PLCB4: variants seen among roughly 807,000 people sequenced by gnomAD.
PLCB4 encodes 1-phosphatidylinositol 4,5-bisphosphate phosphodiesterase beta-4.
A neutral mutation model predicts 178.8 loss-of-function variants in PLCB4; 77 were observed. The ratio of observed to expected loss-of-function variants is 0.43; its 90% CI spans 0.36 to 0.52. The LOEUF (loss-of-function observed/expected upper bound fraction) is 0.52, where lower values mean the gene tolerates loss of function less well. Ranked by LOEUF, PLCB4 falls within the 20% of genes least tolerant of loss-of-function variation. The pLI is 0.00. For synonymous variants in PLCB4, 496 were observed against 490.8 expected, an observed-to-expected ratio of 1.01 and a Z score of -0.14; for missense variants, 1,024 against 1,453.4, an observed-to-expected ratio of 0.70 and a Z score of 4.80.
At chr20:9,325,506 C>A (rs1162786596) in intron 4 of PLCB4, among the ~76,000 whole-genome samples, 1 of 152,080 alleles carries the variant, frequency 6.6e-6, no homozygotes, top group Non-Finnish European at 1.5e-5. Flanking sequence ...GTCAGGGAAC[C>A]CTCCCAGAAT....
chr20:9,430,682 C>A (rs1002160497), intron 28 of PLCB4, among the ~76,000 whole-genome samples: 1 of 152,188 alleles, frequency 6.6e-6, no homozygotes, highest in Non-Finnish European at 1.5e-5. Flanking sequence ...AATCCGATAG[C>A]AGATGGCTGA....
At chr20:9,375,481 T>C (rs1329495593) in intron 12 of PLCB4, among the ~76,000 whole-genome samples, 2 of 152,192 alleles carry the variant, frequency 1.3e-5, no homozygotes, top group Admixed American at 6.5e-5. Context: ...TTCAATGGCT[T>C]CAAATTTATA....
At chr20:9,453,943 C>T (rs1427597987) in intron 33 of PLCB4, among the ~76,000 whole-genome samples, 1 of 152,138 alleles carries the variant, frequency 6.6e-6, no homozygotes, top group Non-Finnish European at 1.5e-5. Flanking sequence ...GGTGCAATAC[C>T]ATTAACCAAG....
chr20:9,110,791 T>C (rs2091547536), intron 2 of PLCB4, among the ~76,000 whole-genome samples: 2 of 152,206 alleles, frequency 1.3e-5, no homozygotes, highest in Admixed American at 1.3e-4. Flanking sequence ...ATGAACAGTG[T>C]AGCCCTTTAG....
intron 3 of PLCB4, among the ~76,000 whole-genome samples, chr20:9,236,863 C>G (rs1175958241): frequency 6.6e-6 from 1 of 152,202 alleles, no homozygotes; most frequent in African/African-American, 2.4e-5. Context: ...AAGATCATTT[C>G]TTTCATGGGA....
At chr20:9,410,964 G>A in intron 24 of PLCB4, 73 bp from the exon 25 acceptor site, 1 of 1,058,516 alleles carries the variant, frequency 9.4e-7, no homozygotes, top group Non-Finnish European at 1.5e-6. Context: ...GATACCTATT[G>A]TTTCAAATCA....
intron 4 of PLCB4, among the ~76,000 whole-genome samples, chr20:9,326,613 C>T (rs904247887): frequency 2.6e-5 from 4 of 152,240 alleles, no homozygotes; most frequent in Middle Eastern, 3.4e-3. Flanking sequence ...AGGGCAGAGT[C>T]TCCCCAACCA....
intron 34 of PLCB4, among the ~76,000 whole-genome samples, chr20:9,458,258 CT>C (rs760478004): frequency 1.3e-4 from 20 of 152,148 alleles, no homozygotes; most frequent in Non-Finnish European, 2.8e-4. Context: ...TTCTTGGTAG[CT>C]GTATGTTTTG....
At chr20:9,275,145 T>C (rs972722739) in intron 3 of PLCB4, among the ~76,000 whole-genome samples, 4 of 152,038 alleles carry the variant, frequency 2.6e-5, no homozygotes, top group Non-Finnish European at 5.9e-5. Context: ...GAGGTTTAAT[T>C]TGACTTACAG....
At chr20:9,388,505 C>G (rs888853648) in intron 15 of PLCB4, among the ~76,000 whole-genome samples, 5 of 152,040 alleles carry the variant, frequency 3.3e-5, no homozygotes, top group Admixed American at 6.6e-5. Flanking sequence ...GATCACTTGA[C>G]GTCAGGAGTT....
At chr20:9,178,960 T>A (rs570878210) in intron 2 of PLCB4, among the ~76,000 whole-genome samples, 1 of 152,370 alleles carries the variant, frequency 6.6e-6, no homozygotes, top group South Asian at 2.1e-4. Flanking sequence ...ATCTAACAGC[T>A]ATTATGTTTA....
chr20:9,087,690 A>G (rs1181547922), intron 1 of PLCB4, among the ~76,000 whole-genome samples: 1 of 152,078 alleles, frequency 6.6e-6, no homozygotes. Context: ...GACACGGGGG[A>G]CATAAAAGGG....
rs58424232 is a variant in PLCB4, at chr20:9,209,963, C to CAA, written c.-78-7405_-78-7404dup. Among the ~76,000 whole-genome samples, 251 of 46,704 alleles carry CAA rather than the reference C, an allele frequency of 5.4e-3. 1 individual carries two copies. The highest frequency in any genetic ancestry group is 7.0e-3 in the Admixed American group (30 of 4,282). 30.6% of individuals were successfully genotyped at this position (46,704 alleles called of 152,430 possible). A position where few individuals can be genotyped will look rare whatever the true frequency, so the allele number is the denominator to read the frequency against. On this transcript the variant is annotated intron_variant, in intron 2 of 39. Coordinates refer to ENST00000378473, the MANE Select transcript of PLCB4 (RefSeq NM_001377142.1). The stretch of plus-strand genomic sequence containing the variant: ...TGGGTGACAGAGCAAGACTCTGTCT[C>CAA]AAAAAAAAAAAAAAAAAAAAAAAGA...
At chr20:9,165,793 TTGTGTGTGTGTG>T (rs3036061) in intron 2 of PLCB4, among the ~76,000 whole-genome samples, 22 of 139,748 alleles carry the variant, frequency 1.6e-4, no homozygotes, top group East Asian at 6.3e-4. Flanking sequence ...CTGGGGCTGT[TTGTGTGTGTGTG>T]TGTGTGTGTG....
chr20:9,271,153 T>G (rs978224532), intron 3 of PLCB4, among the ~76,000 whole-genome samples: 1 of 152,168 alleles, frequency 6.6e-6, no homozygotes, highest in East Asian at 1.9e-4. Flanking sequence ...GACTTACCCC[T>G]GCCTGTTTTC....
At chr20:9,405,067 T>C (rs768490268) in intron 20 of PLCB4, among the ~76,000 whole-genome samples, 1 of 152,196 alleles carries the variant, frequency 6.6e-6, no homozygotes, top group Non-Finnish European at 1.5e-5. Context: ...TAAATAATTA[T>C]AATAAAACAT....
chr20:9,245,162 T>G (rs147278939), intron 3 of PLCB4, among the ~76,000 whole-genome samples: 269 of 152,248 alleles, frequency 1.8e-3, no homozygotes, highest in Admixed American at 3.0e-3. Flanking sequence ...AGAAAGAGAC[T>G]GGAAGTAGGC....
intron 1 of PLCB4, among the ~76,000 whole-genome samples, chr20:9,083,084 G>A (rs1324975901): frequency 1.3e-5 from 2 of 152,172 alleles, no homozygotes; most frequent in Admixed American, 1.3e-4. Context: ...TTCTGGAAAT[G>A]TTCTACTTAA....
At chr20:9,303,479 T>C (rs2094728766) in intron 3 of PLCB4, among the ~76,000 whole-genome samples, 1 of 152,216 alleles carries the variant, frequency 6.6e-6, no homozygotes, top group South Asian at 2.1e-4. Flanking sequence ...CATAATGTTC[T>C]CCAGTTCCAT....
Sources: gnomAD v4.1 joint callset for allele counts (sites outside exome capture counted in the v4.1 genomes callset) on GRCh38, gnomAD v4.1.1 for gene constraint, MANE v1.5 for transcripts, NCBI Gene and HGNC (gene_info 2026-07-23, HGNC 2026-07-21) for gene names.